BDP1: variants seen among roughly 807,000 people sequenced by gnomAD.
BDP1 encodes transcription factor TFIIIB component B'' homolog.
In BDP1, 169 loss-of-function variants were observed where a neutral mutation model predicts 266.6. That is an observed-to-expected ratio of 0.63 (90% CI 0.56 to 0.72). The LOEUF is 0.72. Ranked by LOEUF, BDP1 falls within the 30% of genes least tolerant of loss-of-function variation. The pLI is 0.00. For synonymous variants in BDP1, 1,090 were observed against 1,022.4 expected, an observed-to-expected ratio of 1.07 and a Z score of -1.26; for missense variants, 3,015 against 3,053.8, an observed-to-expected ratio of 0.99 and a Z score of 0.30.
At chr5:71,502,844 A>T in intron 15 of BDP1, 53 bp downstream of exon 15, 1 of 1,372,774 alleles carries the variant, frequency 7.3e-7, no homozygotes, top group Non-Finnish European at 1.0e-6. Context: ...CATGAGCCTT[A>T]ATATAAGCTT....
downstream of BDP1, among the ~76,000 whole-genome samples, chr5:71,570,817 T>A (rs927393554): frequency 6.6e-6 from 1 of 152,226 alleles, no homozygotes; most frequent in Non-Finnish European, 1.5e-5. Context: ...CTGATGCTTC[T>A]GTTACCAAGA....
intron 25 of BDP1, among the ~76,000 whole-genome samples, chr5:71,525,739 C>CCCCCACCT (rs1765818376): frequency 6.8e-6 from 1 of 147,402 alleles, no homozygotes; most frequent in African/African-American, 2.5e-5. Context: ...GGGGGGCTGA[C>CCCCCACCT]CCCCACCTCC....
At position 71,516,118 on chromosome 5, in the gene BDP1, T is replaced by C. The variant is rs748983809; in HGVS notation, c.4707T>C (p.Ala1569=). ...TGAAGGAAAGTGTTATCCAAACTGCTCGACAAGTAAGGGGCCGACTTCAGA... is the reference window on the plus strand; with the variant it reads ...TGAAGGAAAGTGTTATCCAAACTGCCCGACAAGTAAGGGGCCGACTTCAGA... ...QEMKESVIQT[A]RQVRGRLQRP... Residue 1569 remains alanine (A), a synonymous_variant, in exon 21 of 39, where the codon GCT becomes GCC. Coordinates refer to ENST00000358731, the MANE Select transcript of BDP1 (RefSeq NM_018429.3). 1.2e-6 allele frequency: 2 copies of C among 1,612,248 alleles called. No individual in the cohort carries two copies. Among genetic ancestry groups the C allele is most frequent in the Non-Finnish European group, 1.7e-6 (2 of 1,179,064 alleles).
At chr5:71,470,840 C>G (rs1240065599) in intron 7 of BDP1, among the ~76,000 whole-genome samples, 1 of 151,476 alleles carries the variant, frequency 6.6e-6, no homozygotes, top group East Asian at 1.9e-4. Context: ...ATCCCCCCAT[C>G]TTGGCCTCCC....
At chr5:71,541,777 C>A in intron 29 of BDP1, 95 bp downstream of exon 29, 2 of 778,012 alleles carry the variant, frequency 2.6e-6, no homozygotes, top group African/African-American at 1.8e-5. Flanking sequence ...GTAGGCAATG[C>A]TAATTTCTTA....
rs912626968 is a variant in BDP1, at chr5:71,483,872, G to A, written c.1045G>A (p.Gly349Arg). The A allele has an allele frequency of 1.9e-6, 3 of 1,611,316 alleles. No homozygotes were observed. The highest frequency in any genetic ancestry group is 2.5e-6 in the Non-Finnish European group (3 of 1,177,958). The change falls in exon 8 of 39, where the codon GGA (glycine) becomes AGA (arginine). Residue 349 changes from glycine (G) to arginine (R), a missense_variant. Physicochemically the swap from Gly to Arg is moderately radical, Grantham distance 125 (BLOSUM62 -2). Around this residue, in one of 3 missense-constraint regions of BDP1, gnomAD observed 2,383 missense variants for 2,404.9 expected, o/e 0.99. Coordinates refer to ENST00000358731, the MANE Select transcript of BDP1 (RefSeq NM_018429.3). ...ATTTAAACGGGAAGAGAAAACAAAT[G>A]GATGGAGAATAGACAAAGCATTCCG... ...NKFKREEKTN[G>R]WRIDKAFQEK...
chr5:71,491,227 C>T, intron 11 of BDP1, 96 bp downstream of exon 11: 3 of 1,170,920 alleles, frequency 2.6e-6, no homozygotes, highest in East Asian at 2.5e-5. Flanking sequence ...TTGCCTGTTT[C>T]TTTTTTTCAG....
At chr5:71,472,610 T>C (rs1447225587) in intron 7 of BDP1, among the ~76,000 whole-genome samples, 2 of 152,196 alleles carry the variant, frequency 1.3e-5, no homozygotes, top group Non-Finnish European at 2.9e-5. Flanking sequence ...TCTTGAGGAT[T>C]TTTTTGCTAC....
At chr5:71,491,998 G>C (rs921283252) in intron 11 of BDP1, among the ~76,000 whole-genome samples, 1 of 152,228 alleles carries the variant, frequency 6.6e-6, no homozygotes, top group Non-Finnish European at 1.5e-5. Flanking sequence ...TTACAGGTGT[G>C]AGTCACAGCG....
intron 16 of BDP1, among the ~76,000 whole-genome samples, chr5:71,506,810 CA>C (rs1764608117): frequency 2.8e-5 from 4 of 140,822 alleles, no homozygotes; most frequent in Non-Finnish European, 6.2e-5. Context: ...CACACACACA[CA>C]CACACACACA....
chr5:71,493,386 A>G (rs1055340647), intron 11 of BDP1, among the ~76,000 whole-genome samples: 11 of 152,118 alleles, frequency 7.2e-5, no homozygotes, highest in African/African-American at 2.7e-4. Context: ...CAGCATCTCG[A>G]GTAGCTGGGA....
intron 26 of BDP1, among the ~76,000 whole-genome samples, chr5:71,538,236 T>C (rs1766754148): frequency 6.6e-6 from 1 of 152,224 alleles, no homozygotes; most frequent in Non-Finnish European, 1.5e-5. Context: ...GTGATTTTTA[T>C]GTCCATATTC....
intron 25 of BDP1, among the ~76,000 whole-genome samples, chr5:71,531,063 G>T (rs978663557): frequency 1.8e-4 from 28 of 152,096 alleles, no homozygotes; most frequent in African/African-American, 6.5e-4. Flanking sequence ...GATAGAGTGA[G>T]GCTTTGTCTC....
In BDP1 at chr5:71,504,165, C is replaced by T. The variant is rs934085110; in HGVS notation, c.2242-456C>T. 2.9e-4 allele frequency among the ~76,000 whole-genome samples: 43 copies of T among 148,948 alleles called. No individual in the cohort carries two copies. The South Asian group carries it at 3.9e-3, about 13-fold the overall frequency. On this transcript the variant is annotated intron_variant, in intron 15 of 38. Coordinates refer to ENST00000358731, the MANE Select transcript of BDP1 (RefSeq NM_018429.3). Reference sequence around the variant, plus strand: ...GTGGACGCCTGTAGTCCTAGCTACTCGGGAGGCTGAGGCAGGAGAATGGCA... The same window carrying T: ...GTGGACGCCTGTAGTCCTAGCTACTTGGGAGGCTGAGGCAGGAGAATGGCA...
intron 12 of BDP1, among the ~76,000 whole-genome samples, chr5:71,496,466 T>G (rs1763900770): frequency 7.0e-6 from 1 of 143,532 alleles, no homozygotes; most frequent in African/African-American, 2.6e-5. Flanking sequence ...GAGACAGGGT[T>G]GCACTCTGTT....
At position 71,489,514 on chromosome 5, in the gene BDP1, T is replaced by C. The variant is rs770596796; in HGVS notation, c.1324T>C (p.Ser442Pro). ...QKDAQTVEEE[S>P]LTLSREDAEQ... ...GGATGCTCAGACAGTTGAAGAAGAG[T>C]CTCTGACCTTATCAAGGGAGGATGC... Residue 442 changes from serine (S) to proline (P), a missense_variant, in exon 10 of 39, where the codon TCT (serine) becomes CCT (proline). Physicochemically the swap from Ser to Pro is moderately conservative, Grantham distance 74. Coordinates refer to ENST00000358731, the MANE Select transcript of BDP1 (RefSeq NM_018429.3). 5.6e-6 allele frequency: 9 copies of C among 1,613,754 alleles called. No homozygotes were observed. Among genetic ancestry groups the C allele is most frequent in the Non-Finnish European group, 6.8e-6 (8 of 1,179,940 alleles).
intron 6 of BDP1, among the ~76,000 whole-genome samples, chr5:71,469,435 TG>T (rs1448070355): frequency 6.6e-6 from 1 of 152,134 alleles, no homozygotes; most frequent in Non-Finnish European, 1.5e-5. Context: ...CCACCGTGCG[TG>T]GCCTCTTGTG....
At chr5:71,458,436 T>C in intron 1 of BDP1, 143 bp from the exon 2 acceptor site, 1 of 662,362 alleles carries the variant, frequency 1.5e-6, no homozygotes, top group Non-Finnish European at 2.6e-6. Context: ...TAACCTGTCA[T>C]AATTATCATA....
chr5:71,511,320 T>C (rs2150475966), intron 17 of BDP1, 169 bp downstream of exon 17: 2 of 663,540 alleles, frequency 3.0e-6, no homozygotes, highest in Non-Finnish European at 5.0e-6. Flanking sequence ...AGAAACTGTA[T>C]GTTCTTTTTT....
Sources: allele counts gnomAD v4.1 joint callset (sites outside exome capture counted in the v4.1 genomes callset), GRCh38; gene constraint gnomAD v4.1.1; regional missense constraint gnomAD v4.1.1; transcripts MANE v1.5; gene names NCBI Gene and HGNC (gene_info 2026-07-23, HGNC 2026-07-21).